PTPRG: variants seen among roughly 807,000 people sequenced by gnomAD.
PTPRG encodes the protein receptor-type tyrosine-protein phosphatase gamma.
Under a neutral mutation model 165.3 loss-of-function variants are expected in PTPRG, and 102 were observed. The observed-to-expected ratio is 0.62, with a 90% CI of 0.53 to 0.73. PTPRG has a LOEUF of 0.73. PTPRG is among the 30% of genes least tolerant of loss of function. The pLI, the probability that PTPRG is intolerant of heterozygous loss-of-function variation, is 0.00. For missense variants in PTPRG, 1,866 were observed against 1,861.4 expected (o/e 1.00, Z -0.05); for synonymous variants, 675 against 669.5 (o/e 1.01, Z -0.13).
At chr3:61,569,645 T>G (rs1030228264) in intron 1 of PTPRG, among the ~76,000 whole-genome samples, 1 of 152,088 alleles carries the variant, frequency 6.6e-6, no homozygotes, top group Non-Finnish European at 1.5e-5. Flanking sequence ...CTTAAGAGAT[T>G]TGGATAGGAG....
At chr3:61,916,701 CT>C (rs2038945580) in intron 2 of PTPRG, among the ~76,000 whole-genome samples, 1 of 152,106 alleles carries the variant, frequency 6.6e-6, no homozygotes, top group South Asian at 2.1e-4. Flanking sequence ...TGTTCAAAAT[CT>C]ATTTTATCCT....
At chr3:62,197,179 G>T (rs910617459) in intron 10 of PTPRG, among the ~76,000 whole-genome samples, 13 of 152,152 alleles carry the variant, frequency 8.5e-5, no homozygotes, top group African/African-American at 2.9e-4. Flanking sequence ...TCCAAAAAGT[G>T]GCAGTATCCA....
chr3:61,687,326 G>C (rs1703665310), intron 1 of PTPRG, among the ~76,000 whole-genome samples: 1 of 152,242 alleles, frequency 6.6e-6, no homozygotes. Flanking sequence ...CAGATAAGCA[G>C]TGGAGAGCAT....
intron 2 of PTPRG, among the ~76,000 whole-genome samples, chr3:61,985,352 TTGGG>T (rs2040733963): frequency 6.6e-6 from 1 of 152,188 alleles, no homozygotes; most frequent in South Asian, 2.1e-4. Context: ...GCCTTAGCCG[TTGGG>T]TGGGCTACAT....
intron 2 of PTPRG, among the ~76,000 whole-genome samples, chr3:61,833,796 C>A (rs1164794490): frequency 1.3e-5 from 2 of 152,140 alleles, no homozygotes; most frequent in East Asian, 3.9e-4. Context: ...AACTCCTGAG[C>A]TAAGGCAGTG....
chr3:62,196,930 C>CTTGAG (rs1413293553), intron 10 of PTPRG, among the ~76,000 whole-genome samples: 7 of 152,204 alleles, frequency 4.6e-5, no homozygotes, highest in Non-Finnish European at 1.0e-4. Flanking sequence ...CTGGAAGCCT[C>CTTGAG]ATTTGAGAAG....
intron 11 of PTPRG, among the ~76,000 whole-genome samples, 185 bp downstream of exon 11, chr3:62,201,739 A>C (rs1700099235): frequency 6.6e-6 from 1 of 152,214 alleles, no homozygotes; most frequent in African/African-American, 2.4e-5. Flanking sequence ...GCTGTGCAAC[A>C]GTGTTAGGTG....
intron 4 of PTPRG, among the ~76,000 whole-genome samples, chr3:62,033,532 C>G (rs1575916062): frequency 1.9e-5 from 1 of 53,476 alleles, no homozygotes; most frequent in East Asian, 6.9e-4. Context: ...GCCTATCTTC[C>G]CCCCCCCACC....
chr3:61,626,309 C>T (rs1159554892), intron 1 of PTPRG, among the ~76,000 whole-genome samples: 1 of 152,104 alleles, frequency 6.6e-6, no homozygotes, highest in South Asian at 2.1e-4. Context: ...TTTCTTTTCC[C>T]TCCCTTAGCA....
At chr3:61,874,289 G>A (rs572065314) in intron 2 of PTPRG, among the ~76,000 whole-genome samples, 2 of 152,202 alleles carry the variant, frequency 1.3e-5, no homozygotes, top group South Asian at 2.1e-4. Flanking sequence ...ACCTCCTTTG[G>A]GAGGCTCATG....
At chr3:62,019,826 A>G (rs959803527) in intron 4 of PTPRG, among the ~76,000 whole-genome samples, 1 of 152,248 alleles carries the variant, frequency 6.6e-6, no homozygotes, top group Non-Finnish European at 1.5e-5. Context: ...AATGATAGTT[A>G]ACTTTTTGAA....
intron 4 of PTPRG, among the ~76,000 whole-genome samples, chr3:62,070,879 G>C (rs1482843497): frequency 6.6e-6 from 1 of 151,120 alleles, no homozygotes; most frequent in Non-Finnish European, 1.5e-5. Context: ...ACGTTTCCCA[G>C]GTTTGTCAAA....
intron 4 of PTPRG, among the ~76,000 whole-genome samples, chr3:62,048,719 G>A (rs1438753460): frequency 6.6e-6 from 1 of 152,038 alleles, no homozygotes; most frequent in African/African-American, 2.4e-5. Context: ...AAATCCTAGT[G>A]GTCCTTTATT....
intron 2 of PTPRG, among the ~76,000 whole-genome samples, chr3:61,899,756 A>G (rs555742756): frequency 8.5e-4 from 130 of 152,230 alleles, no homozygotes; most frequent in African/African-American, 3.0e-3. Context: ...TGAAACAGAG[A>G]TCCTAGGAAA....
intron 2 of PTPRG, among the ~76,000 whole-genome samples, chr3:61,975,223 G>C: frequency 6.6e-6 from 1 of 152,184 alleles, no homozygotes; most frequent in Non-Finnish European, 1.5e-5. Flanking sequence ...CTAGGGGAAT[G>C]ATCTTGGACA....
intron 4 of PTPRG, among the ~76,000 whole-genome samples, chr3:62,074,472 C>T (rs1403145078): frequency 1.3e-5 from 2 of 150,742 alleles, no homozygotes; most frequent in African/African-American, 2.4e-5. Flanking sequence ...CCTCTCACCT[C>T]AGTCTCCTGA....
chr3:62,115,695 TG>T (rs1702839850), intron 5 of PTPRG, among the ~76,000 whole-genome samples: 1 of 151,062 alleles, frequency 6.6e-6, no homozygotes, highest in African/African-American at 2.4e-5. Flanking sequence ...TGGAGTACAG[TG>T]GGACTAATTT....
chr3:62,097,027 C>G (rs969594215), intron 5 of PTPRG, among the ~76,000 whole-genome samples: 1 of 152,178 alleles, frequency 6.6e-6, no homozygotes, highest in Non-Finnish European at 1.5e-5. Flanking sequence ...ATGGGCCAAG[C>G]TGGCTTAAGT....
chr3:61,812,288 A>T (rs1156334612), intron 2 of PTPRG, among the ~76,000 whole-genome samples: 1 of 142,460 alleles, frequency 7.0e-6, no homozygotes. Flanking sequence ...CCATTCATTC[A>T]TTCATTCATT....
Sources: gnomAD v4.1 joint callset for allele counts (sites outside exome capture counted in the v4.1 genomes callset) on GRCh38, gnomAD v4.1.1 for gene constraint, MANE v1.5 for transcripts, NCBI Gene and HGNC (gene_info 2026-07-23, HGNC 2026-07-21) for gene names.